PPM1E: variants seen among roughly 807,000 people sequenced by gnomAD.
The protein encoded by PPM1E is protein phosphatase 1E.
PPM1E carries 20 observed loss-of-function variants against 65.9 expected under a neutral mutation model. The ratio of observed to expected loss-of-function variants is 0.30; its 90% CI spans 0.21 to 0.44. The LOEUF (loss-of-function observed/expected upper bound fraction) is 0.44. Ranked by LOEUF, PPM1E falls within the 20% of genes least tolerant of loss-of-function variation. The pLI is 1.00. For synonymous variants in PPM1E, 352 were observed against 374.9 expected, an observed-to-expected ratio of 0.94 and a Z score of 0.70; for missense variants, 713 against 953.1, an observed-to-expected ratio of 0.75 and a Z score of 3.32.
chr17:58,850,406 G>A (rs2050814759), intron 1 of PPM1E, among the ~76,000 whole-genome samples: 1 of 152,174 alleles, frequency 6.6e-6, no homozygotes, highest in Non-Finnish European at 1.5e-5. Context: ...TTTTTGCAGT[G>A]GCTGGTACTG....
At chr17:58,768,545 C>T (rs548821238) in intron 1 of PPM1E, among the ~76,000 whole-genome samples, 1 of 152,284 alleles carries the variant, frequency 6.6e-6, no homozygotes, top group East Asian at 1.9e-4. Flanking sequence ...AAAAAAGTAT[C>T]TTGTTCAGGC....
rs1357167318 is a variant in PPM1E, at chr17:58,791,720, G to A, written c.464+35259G>A. On this transcript the variant is annotated intron_variant, in intron 1 of 6. Coordinates refer to ENST00000308249, the MANE Select transcript of PPM1E (RefSeq NM_014906.5). ...TATAGGTGATGCCTTTGAGTTTTGGGGATTTAATCATAATGGGCTACATCA... is the reference window on the plus strand; with the variant it reads ...TATAGGTGATGCCTTTGAGTTTTGGAGATTTAATCATAATGGGCTACATCA... 3.9e-5 allele frequency among the ~76,000 whole-genome samples: 6 copies of A among 152,078 alleles called. No individual in the cohort carries two copies. The East Asian group carries it at 5.8e-4, about 15-fold the overall frequency.
At chr17:58,909,924 CTTTTTTTTTTT>C (rs35833275) in intron 1 of PPM1E, among the ~76,000 whole-genome samples, 1 of 90,038 alleles carries the variant, frequency 1.1e-5, no homozygotes, top group Admixed American at 1.4e-4. Context: ...TTTTCTTTTT[CTTTTTTTTTTT>C]TTTTTTTTTG....
chr17:58,756,056 GCGAGTTTCGCGGAC>G lies in PPM1E; in HGVS notation c.62_75del (p.Glu21ValfsTer27). ...CGGCGCTTCCTGGAGCTATTCCTGG[GCGAGTTTCGCGGAC>G]CGTGCGGCGGCGGCGAGCCGGAGCC... On this transcript the variant is annotated frameshift_variant, in exon 1 of 7. Transcript: ENST00000308249. LOFTEE classifies it high-confidence loss of function. 1 of 1,613,992 alleles carries G rather than the reference GCGAGTTTCGCGGAC, an allele frequency of 6.2e-7. No homozygotes were observed. Among genetic ancestry groups the G allele is most frequent in the Non-Finnish European group, 8.5e-7 (1 of 1,179,926 alleles).
chr17:58,885,300 G>T (rs772382150), intron 1 of PPM1E, among the ~76,000 whole-genome samples: 2 of 152,128 alleles, frequency 1.3e-5, no homozygotes, highest in Non-Finnish European at 2.9e-5. Context: ...CAGGTGATCT[G>T]CCCGCCTTGC....
At chr17:58,879,593 C>G (rs916283435) in intron 1 of PPM1E, among the ~76,000 whole-genome samples, 5 of 147,104 alleles carry the variant, frequency 3.4e-5, no homozygotes, top group Non-Finnish European at 7.4e-5. Context: ...ACTGCAAGCT[C>G]CGCCTCCCGG....
intron 1 of PPM1E, among the ~76,000 whole-genome samples, chr17:58,852,424 G>T (rs932615166): frequency 6.6e-6 from 1 of 152,048 alleles, no homozygotes; most frequent in Non-Finnish European, 1.5e-5. Flanking sequence ...ACAGTGCACA[G>T]GGTTCTGATT....
intron 1 of PPM1E, among the ~76,000 whole-genome samples, chr17:58,772,006 A>G (rs1400980881): frequency 6.6e-6 from 1 of 152,130 alleles, no homozygotes; most frequent in South Asian, 2.1e-4. Context: ...ACATACTGTT[A>G]TTCTCTATTT....
At position 58,982,695 on chromosome 17, in the gene PPM1E, G is replaced by A; in HGVS notation, c.*1664G>A. 4.0e-6 allele frequency: 2 copies of A among 497,290 alleles called. No homozygotes were observed. The highest frequency in any genetic ancestry group is 7.1e-6 in the Non-Finnish European group (2 of 280,802). The allele number at this position is 497,290 out of a possible 1,614,324, so 30.8% of individuals were successfully genotyped here. Reference sequence around the variant, plus strand: ...TTTATTTTTTAAAATTTGGATGTAAGTAGAGACTTTCAGTATTTGTTTTCT... The same window carrying A: ...TTTATTTTTTAAAATTTGGATGTAAATAGAGACTTTCAGTATTTGTTTTCT... On this transcript the variant is annotated 3_prime_UTR_variant, in exon 7 of 7. Coordinates refer to ENST00000308249, the MANE Select transcript of PPM1E (RefSeq NM_014906.5).
At chr17:58,964,517 G>A (rs776598358) in intron 2 of PPM1E, among the ~76,000 whole-genome samples, 5 of 152,078 alleles carry the variant, frequency 3.3e-5, no homozygotes, top group East Asian at 1.9e-4. Flanking sequence ...TAGGTGAAGC[G>A]GTAGACATAG....
intron 1 of PPM1E, among the ~76,000 whole-genome samples, chr17:58,860,241 C>T (rs1041565124): frequency 1.3e-5 from 2 of 152,126 alleles, no homozygotes; most frequent in African/African-American, 4.8e-5. Flanking sequence ...ACCTTGTGCC[C>T]AGGCATAACT....
chr17:58,836,713 T>C (rs979048958), intron 1 of PPM1E, among the ~76,000 whole-genome samples: 2 of 150,326 alleles, frequency 1.3e-5, no homozygotes, highest in Non-Finnish European at 3.0e-5. Context: ...TCTGCCTGCC[T>C]CGGCCTCCTA....
chr17:58,918,613 C>A (rs963419544), intron 1 of PPM1E, among the ~76,000 whole-genome samples: 1 of 151,704 alleles, frequency 6.6e-6, no homozygotes, highest in Non-Finnish European at 1.5e-5. Context: ...CCAGACCAGC[C>A]TGGGCAACAC....
intron 1 of PPM1E, among the ~76,000 whole-genome samples, chr17:58,831,186 A>G (rs1017186043): frequency 2.0e-5 from 3 of 151,492 alleles, no homozygotes; most frequent in African/African-American, 7.3e-5. Flanking sequence ...AATTTTTTGT[A>G]TTTTTAGTAG....
chr17:58,875,040 A>G (rs2051113682), intron 1 of PPM1E, among the ~76,000 whole-genome samples: 1 of 152,116 alleles, frequency 6.6e-6, no homozygotes, highest in Non-Finnish European at 1.5e-5. Context: ...TAAAATCATT[A>G]TTTCTAAAAA....
intron 1 of PPM1E, among the ~76,000 whole-genome samples, chr17:58,852,553 T>A (rs934518099): frequency 6.7e-6 from 1 of 149,600 alleles, no homozygotes; most frequent in Non-Finnish European, 1.5e-5. Flanking sequence ...GATACTGAAC[T>A]TTTTTTTTTA....
intron 1 of PPM1E, among the ~76,000 whole-genome samples, chr17:58,846,002 G>A (rs116866983): frequency 0.012 from 1,885 of 152,196 alleles, 25 homozygotes; most frequent in Non-Finnish European, 0.019. Flanking sequence ...CCTTTTTAAG[G>A]CTGAATAATA....
chr17:58,964,445 G>C (rs1364186198), intron 2 of PPM1E, among the ~76,000 whole-genome samples: 1 of 152,142 alleles, frequency 6.6e-6, no homozygotes, highest in Non-Finnish European at 1.5e-5. Flanking sequence ...CATCTACTGA[G>C]GGTACATGTC....
intron 1 of PPM1E, among the ~76,000 whole-genome samples, chr17:58,815,489 AAG>A (rs2050406365): frequency 1.3e-5 from 2 of 152,340 alleles, no homozygotes; most frequent in South Asian, 4.1e-4. Flanking sequence ...ATTGAAAAGA[AAG>A]AGTATGCGTT....
Sources: gnomAD v4.1 joint callset for allele counts (sites outside exome capture counted in the v4.1 genomes callset) on GRCh38, gnomAD v4.1.1 for gene constraint, MANE v1.5 for transcripts, NCBI Gene and HGNC (gene_info 2026-07-23, HGNC 2026-07-21) for gene names.